PCDHA5: variants seen among roughly 807,000 people sequenced by gnomAD.
PCDHA5 encodes protocadherin alpha 5, also known as protocadherin alpha-5.
A neutral mutation model predicts 61.6 loss-of-function variants in PCDHA5; 43 were observed. That is an observed-to-expected ratio of 0.70 (90% CI 0.55 to 0.90). PCDHA5 has a LOEUF of 0.90. PCDHA5 is among the 40% of genes least tolerant of loss of function. The pLI is 0.00. For synonymous variants in PCDHA5, 627 were observed against 543.9 expected, an observed-to-expected ratio of 1.15 and a Z score of -2.13; for missense variants, 1,298 against 1,222.7, an observed-to-expected ratio of 1.06 and a Z score of -0.92.
At chr5:140,858,846 T>C (rs2045621304) in intron 1 of PCDHA5, 1 of 295,454 alleles carries the variant, frequency 3.4e-6, no homozygotes, top group Non-Finnish European at 6.4e-6. Flanking sequence ...ATTCCACTGA[T>C]CTATATCTCT....
intron 1 of PCDHA5, chr5:140,829,634 G>C (rs2150171830): frequency 4.0e-5 from 64 of 1,612,200 alleles, no homozygotes; most frequent in South Asian, 6.6e-5. Flanking sequence ...CGCGGAGAGC[G>C]GCAAGGTGTA....
intron 1 of PCDHA5, chr5:140,876,140 C>T: frequency 6.2e-7 from 1 of 1,613,944 alleles, no homozygotes; most frequent in East Asian, 2.2e-5. Context: ...CCAGAACTAA[C>T]AGGGTCTGTC....
rs1166002941 is a variant in PCDHA5 at position 141,000,351 on chromosome 5, G to A, written c.2501-9276G>A. ...ACAGCAAGGCCCTATCTCTCTCTCT[G>A]TCTCTCTCTGTCTCTCTCTCTCTCT... On this transcript the variant is annotated intron_variant, in intron 3 of 3. Transcript: ENST00000529859. Among the ~76,000 whole-genome samples the A allele has an allele frequency of 6.0e-5, 4 of 66,852 alleles. No homozygotes were observed. The Admixed American group carries it at 6.5e-4, about 11-fold the overall frequency. 43.9% of individuals were successfully genotyped at this position (66,852 alleles called of 152,430 possible).
chr5:140,952,301 T>G (rs246036), intron 1 of PCDHA5, among the ~76,000 whole-genome samples: 84,430 of 149,404 alleles, frequency 0.57, 24,448 homozygotes, highest in African/African-American at 0.7. Flanking sequence ...CACAGCCATT[T>G]CACTCCAGCC....
At chr5:140,893,261 C>T (rs2063902016) in intron 1 of PCDHA5, among the ~76,000 whole-genome samples, 1 of 152,104 alleles carries the variant, frequency 6.6e-6, no homozygotes, top group Non-Finnish European at 1.5e-5. Context: ...TGGATAAATG[C>T]CCAATAGTGG....
intron 3 of PCDHA5, among the ~76,000 whole-genome samples, chr5:140,997,115 C>A (rs537421169): frequency 9.2e-5 from 14 of 152,116 alleles, no homozygotes; most frequent in Non-Finnish European, 1.6e-4. Flanking sequence ...TCCTGCTCTC[C>A]CACATACACA....
At chr5:140,898,321 G>A (rs370229202) in intron 1 of PCDHA5, among the ~76,000 whole-genome samples, 42 of 152,060 alleles carry the variant, frequency 2.8e-4, no homozygotes, top group Non-Finnish European at 1.2e-4. Flanking sequence ...TTATGGTTTT[G>A]GGTCTAACGT....
At position 140,846,759 on chromosome 5, in the gene PCDHA5, C is replaced by T. The variant is rs1032895477; in HGVS notation, c.2352+22632C>T. Among the ~76,000 whole-genome samples the T allele has an allele frequency of 1.0e-4, 15 of 149,272 alleles. 2 individuals carry two copies. Among genetic ancestry groups the T allele is most frequent in the Admixed American group, 2.0e-4 (3 of 14,888 alleles). On this transcript the variant is annotated intron_variant, in intron 1 of 3. Transcript: ENST00000529859. Reference sequence around the variant, plus strand: ...TAGGACCCTTACAGATCTCTAACAGCATATCATCATGTCAGGAATTATTAC... The same window carrying T: ...TAGGACCCTTACAGATCTCTAACAGTATATCATCATGTCAGGAATTATTAC...
chr5:140,976,702 A>G (rs782610534), intron 1 of PCDHA5, among the ~76,000 whole-genome samples: 2 of 152,220 alleles, frequency 1.3e-5, no homozygotes, highest in Non-Finnish European at 2.9e-5. Context: ...AATAATGTTG[A>G]CTTTGCATTA....
At chr5:140,978,739 T>C (rs2096820890) in intron 1 of PCDHA5, among the ~76,000 whole-genome samples, 1 of 152,252 alleles carries the variant, frequency 6.6e-6, no homozygotes, top group Non-Finnish European at 1.5e-5. Context: ...TCTTCCAGGG[T>C]ATCTAATCTG....
At chr5:140,968,162 C>A in intron 1 of PCDHA5, 1 of 1,614,122 alleles carries the variant, frequency 6.2e-7, no homozygotes, top group East Asian at 2.2e-5. Flanking sequence ...CAATGACAAT[C>A]CACCAAGCTT....
intron 1 of PCDHA5, among the ~76,000 whole-genome samples, chr5:140,840,357 T>G (rs1554137775): frequency 6.6e-6 from 1 of 151,884 alleles, no homozygotes; most frequent in Non-Finnish European, 1.5e-5. Flanking sequence ...CAGGTAAAAA[T>G]GTCAGGTAGA....
At chr5:140,857,621 G>C (rs962164938) in intron 1 of PCDHA5, 3 of 1,596,644 alleles carry the variant, frequency 1.9e-6, no homozygotes, top group East Asian at 4.5e-5. Flanking sequence ...GCTGGACCAC[G>C]AGGAGCTGGA....
At chr5:140,971,641 C>T (rs1554233513) in intron 1 of PCDHA5, among the ~76,000 whole-genome samples, 1 of 152,078 alleles carries the variant, frequency 6.6e-6, no homozygotes, top group African/African-American at 2.4e-5. Context: ...CATGTGCCTA[C>T]ATTAAAAGTA....
At chr5:140,859,740 G>A (rs2045997689) in intron 1 of PCDHA5, 1 of 154,064 alleles carries the variant, frequency 6.5e-6, no homozygotes. Flanking sequence ...ATTTAAGCAT[G>A]GCATTCTTTC....
intron 1 of PCDHA5, chr5:140,877,293 G>C (rs782717737): frequency 1.2e-6 from 2 of 1,613,936 alleles, no homozygotes; most frequent in Non-Finnish European, 1.7e-6. Context: ...ACGCTTGGCT[G>C]TCCTACGAGT....
At chr5:140,833,777 A>C (rs2150211299) in intron 1 of PCDHA5, among the ~76,000 whole-genome samples, 1 of 152,046 alleles carries the variant, frequency 6.6e-6, no homozygotes, top group South Asian at 2.1e-4. Flanking sequence ...CCGCTTTCTA[A>C]GTTTCTCTTT....
At chr5:140,894,223 T>C (rs2064371572) in intron 1 of PCDHA5, among the ~76,000 whole-genome samples, 1 of 152,124 alleles carries the variant, frequency 6.6e-6, no homozygotes. Context: ...ATTTTAAAGA[T>C]GTTGAATGAC....
At chr5:140,890,829 T>A (rs1477608523) in intron 1 of PCDHA5, among the ~76,000 whole-genome samples, 1 of 152,226 alleles carries the variant, frequency 6.6e-6, no homozygotes, top group Non-Finnish European at 1.5e-5. Context: ...TGTACTTACA[T>A]ATTTACCAGT....
Sources: allele counts gnomAD v4.1 joint callset (sites outside exome capture counted in the v4.1 genomes callset), GRCh38; gene constraint gnomAD v4.1.1; transcripts MANE v1.5; gene names NCBI Gene and HGNC (gene_info 2026-07-23, HGNC 2026-07-21).